NEO1: variants seen among roughly 807,000 people sequenced by gnomAD.
NEO1 encodes the protein neogenin 1, also known as neogenin.
Under a neutral mutation model 159.7 loss-of-function variants are expected in NEO1, and 63 were observed. That is an observed-to-expected ratio of 0.39 (90% CI 0.32 to 0.49). The LOEUF is 0.49. NEO1 is among the 20% of genes least tolerant of loss of function. The pLI is 0.85. For missense variants in NEO1, 1,615 were observed against 1,831.0 expected (o/e 0.88, Z 2.15); for synonymous variants, 633 against 662.0 (o/e 0.96, Z 0.67).
chr15:73,260,612 A>T (rs2040578361), intron 15 of NEO1, 147 bp downstream of exon 15: 1 of 716,108 alleles, frequency 1.4e-6, no homozygotes, highest in East Asian at 2.8e-5. Flanking sequence ...CCAAATGTTA[A>T]CATTTAACCA....
intron 1 of NEO1, among the ~76,000 whole-genome samples, chr15:73,067,917 T>C (rs1044019545): frequency 6.6e-6 from 1 of 151,952 alleles, no homozygotes; most frequent in African/African-American, 2.4e-5. Context: ...CACTGGGCCC[T>C]GAAATGGATG....
intron 2 of NEO1, among the ~76,000 whole-genome samples, chr15:73,121,814 A>T (rs949028113): frequency 6.6e-6 from 1 of 152,058 alleles, no homozygotes; most frequent in Non-Finnish European, 1.5e-5. Context: ...AGCTCCCTTC[A>T]GTCTGACTTC....
At chr15:73,096,028 G>A (rs1038856805) in intron 1 of NEO1, among the ~76,000 whole-genome samples, 9 of 152,098 alleles carry the variant, frequency 5.9e-5, no homozygotes, top group African/African-American at 1.4e-4. Context: ...TGATGCTTAC[G>A]AAAAGTTTAT....
At chr15:73,215,151 C>CT (rs1368657302) in intron 7 of NEO1, among the ~76,000 whole-genome samples, 2 of 152,092 alleles carry the variant, frequency 1.3e-5, no homozygotes, top group Admixed American at 6.5e-5. Context: ...TTGCTGAATT[C>CT]TTTTATCAGT....
chr15:73,164,163 G>A lies in NEO1; in HGVS notation c.1016-12240G>A, dbSNP rs181873628. ...CTGCCTCAGCCTCCCAAGTAGCTGGGATTACAGGCACCCACCACCACGCCC... is the reference window on the plus strand; with the variant it reads ...CTGCCTCAGCCTCCCAAGTAGCTGGAATTACAGGCACCCACCACCACGCCC... On this transcript the variant is annotated intron_variant, in intron 5 of 28. Coordinates refer to ENST00000261908, the MANE Select transcript of NEO1 (RefSeq NM_002499.4). 8.5e-3 allele frequency among the ~76,000 whole-genome samples: 1,273 copies of A among 150,050 alleles called. 22 individuals are homozygous for A. The highest frequency in any genetic ancestry group is 0.03 in the African/African-American group (1,205 of 40,770).
intron 8 of NEO1, among the ~76,000 whole-genome samples, chr15:73,240,647 A>G (rs2039445833): frequency 6.6e-6 from 1 of 152,232 alleles, no homozygotes; most frequent in Admixed American, 6.5e-5. Flanking sequence ...AGATTAAAGG[A>G]GAGAAAAAAT....
chr15:73,207,444 A>G (rs917505504), intron 7 of NEO1, among the ~76,000 whole-genome samples: 4 of 152,198 alleles, frequency 2.6e-5, no homozygotes, highest in Admixed American at 2.6e-4. Context: ...TTGATTTGCT[A>G]ATAAGATGCC....
At chr15:73,276,010 C>CTT (rs1173366778) in intron 21 of NEO1, among the ~76,000 whole-genome samples, 1 of 152,152 alleles carries the variant, frequency 6.6e-6, no homozygotes, top group Non-Finnish European at 1.5e-5. Context: ...TTCAGTGAGT[C>CTT]TTTTGCACTA....
intron 5 of NEO1, among the ~76,000 whole-genome samples, chr15:73,169,391 A>G (rs1310443634): frequency 2.6e-5 from 4 of 152,152 alleles, no homozygotes; most frequent in African/African-American, 9.6e-5. Flanking sequence ...TCTTATGGTA[A>G]TTGACTCATT....
chr15:73,280,708 G>C (rs980466919), intron 22 of NEO1, among the ~76,000 whole-genome samples: 1 of 152,094 alleles, frequency 6.6e-6, no homozygotes, highest in Non-Finnish European at 1.5e-5. Context: ...AGTTTAAGTT[G>C]TCTGTCTGCT....
intron 1 of NEO1, among the ~76,000 whole-genome samples, chr15:73,114,754 A>G (rs763128541): frequency 4.9e-4 from 75 of 152,204 alleles, no homozygotes; most frequent in Non-Finnish European, 8.8e-4. Flanking sequence ...TTAACCACCA[A>G]TCTAACACAT....
At chr15:73,057,980 T>A (rs1431683693) in intron 1 of NEO1, among the ~76,000 whole-genome samples, 2 of 152,214 alleles carry the variant, frequency 1.3e-5, no homozygotes, top group East Asian at 3.8e-4. Context: ...AACCCATAAG[T>A]AACCCCTTTT....
intron 23 of NEO1, 133 bp downstream of exon 23, chr15:73,283,244 G>T: frequency 9.1e-7 from 1 of 1,098,308 alleles, no homozygotes. Context: ...TATTTTAAAA[G>T]AAAATGGGAA....
At chr15:73,295,445 C>T (rs2042326033) in intron 26 of NEO1, among the ~76,000 whole-genome samples, 1 of 151,526 alleles carries the variant, frequency 6.6e-6, no homozygotes, top group African/African-American at 2.4e-5. Context: ...CAGCCCCTTC[C>T]TCCTTCCTCC....
At chr15:73,237,721 T>C (rs958253888) in intron 8 of NEO1, among the ~76,000 whole-genome samples, 2 of 151,810 alleles carry the variant, frequency 1.3e-5, no homozygotes, top group Non-Finnish European at 2.9e-5. Context: ...AGAAACATAG[T>C]TCTATACATA....
intron 1 of NEO1, among the ~76,000 whole-genome samples, chr15:73,068,223 A>AC (rs1555421033): frequency 0.099 from 8,199 of 82,814 alleles, 434 homozygotes; most frequent in African/African-American, 0.17. Flanking sequence ...TTGTCCCCCT[A>AC]CCCCCCCCCC....
chr15:73,163,427 T>C (rs2151896648), intron 5 of NEO1, among the ~76,000 whole-genome samples: 1 of 152,336 alleles, frequency 6.6e-6, no homozygotes, highest in South Asian at 2.1e-4. Context: ...GTTTAGTGTG[T>C]ATGCTTCCAG....
chr15:73,063,890 C>A (rs1040960055), intron 1 of NEO1, among the ~76,000 whole-genome samples: 7 of 151,962 alleles, frequency 4.6e-5, no homozygotes, highest in African/African-American at 1.7e-4. Context: ...TTTATTATTA[C>A]GTATTTGCTT....
chr15:73,293,581 C>A, intron 26 of NEO1, 33 bp downstream of exon 26: 1 of 1,596,936 alleles, frequency 6.3e-7, no homozygotes, highest in South Asian at 1.1e-5. Context: ...AGATGGAAAC[C>A]ATTCCAAAAG....
Sources: allele counts gnomAD v4.1 joint callset (sites outside exome capture counted in the v4.1 genomes callset), GRCh38; gene constraint gnomAD v4.1.1; transcripts MANE v1.5; gene names NCBI Gene and HGNC (gene_info 2026-07-23, HGNC 2026-07-21).